The following MAP2K4 variants were observed in gnomAD, a reference collection of about 807,000 sequenced individuals.
The protein encoded by MAP2K4 is mitogen-activated protein kinase kinase 4.
Under a neutral mutation model 48.5 loss-of-function variants are expected in MAP2K4, and 4 were observed. The ratio of observed to expected loss-of-function variants is 0.08; its 90% CI spans 0.04 to 0.19. The LOEUF is 0.19. MAP2K4 is among the 10% of genes least tolerant of loss of function. The pLI, the probability that MAP2K4 is intolerant of heterozygous loss-of-function variation, is 1.00. For missense variants in MAP2K4, 258 were observed against 493.3 expected (o/e 0.52, Z 4.52); for synonymous variants, 166 against 173.1 (o/e 0.96, Z 0.32).
At chr17:12,025,510 A>G (rs1170977891) in intron 1 of MAP2K4, among the ~76,000 whole-genome samples, 1 of 152,228 alleles carries the variant, frequency 6.6e-6, no homozygotes, top group African/African-American at 2.4e-5. Flanking sequence ...AATAGAATCT[A>G]TAATTGATTC....
At chr17:12,057,588 A>AT (rs1970322089) in intron 2 of MAP2K4, among the ~76,000 whole-genome samples, 1 of 151,962 alleles carries the variant, frequency 6.6e-6, no homozygotes, top group Non-Finnish European at 1.5e-5. Context: ...TTCTGGGAAA[A>AT]TTGCTGCTGC....
chr17:12,053,150 C>G (rs1352830766), intron 1 of MAP2K4, among the ~76,000 whole-genome samples: 1 of 151,980 alleles, frequency 6.6e-6, no homozygotes, highest in Non-Finnish European at 1.5e-5. Context: ...GAAAAATTCT[C>G]AAGAAGTAAA....
At chr17:12,030,958 A>G (rs1333158099) in intron 1 of MAP2K4, among the ~76,000 whole-genome samples, 1 of 152,046 alleles carries the variant, frequency 6.6e-6, no homozygotes, top group Non-Finnish European at 1.5e-5. Flanking sequence ...TAGTCAGCTC[A>G]TTTTGCGTGG....
At chr17:12,071,446 A>C (rs1411823682) in intron 2 of MAP2K4, among the ~76,000 whole-genome samples, 1 of 152,148 alleles carries the variant, frequency 6.6e-6, no homozygotes, top group African/African-American at 2.4e-5. Flanking sequence ...ACACAAACAT[A>C]AGCAGTAGAG....
chr17:12,059,355 T>C (rs984137215), intron 2 of MAP2K4, among the ~76,000 whole-genome samples: 2 of 152,230 alleles, frequency 1.3e-5, no homozygotes, highest in East Asian at 3.8e-4. Context: ...AATCATGTTG[T>C]GTATATGAAT....
intron 7 of MAP2K4, among the ~76,000 whole-genome samples, chr17:12,117,417 AAAAG>A (rs1443503221): frequency 6.6e-6 from 1 of 152,064 alleles, no homozygotes; most frequent in African/African-American, 2.4e-5. Context: ...GGTAAAAAAA[AAAAG>A]ACCCTTGTGG....
chr17:12,082,937 G>A (rs543334184), intron 3 of MAP2K4, among the ~76,000 whole-genome samples: 1 of 152,322 alleles, frequency 6.6e-6, no homozygotes, highest in South Asian at 2.1e-4. Context: ...AGTGGAAAGA[G>A]TCATTTTATT....
At chr17:12,067,721 A>G (rs182694213) in intron 2 of MAP2K4, among the ~76,000 whole-genome samples, 7 of 152,344 alleles carry the variant, frequency 4.6e-5, no homozygotes, top group Non-Finnish European at 8.8e-5. Flanking sequence ...CCAGAAACCA[A>G]AGCAATCCAG....
chr17:12,069,317 C>T (rs536975305), intron 2 of MAP2K4, among the ~76,000 whole-genome samples: 1 of 152,186 alleles, frequency 6.6e-6, no homozygotes, highest in African/African-American at 2.4e-5. Context: ...GGCAGTTTTC[C>T]TTACCTTTTC....
chr17:12,041,534 A>G (rs986657422), intron 1 of MAP2K4, among the ~76,000 whole-genome samples: 2 of 152,262 alleles, frequency 1.3e-5, no homozygotes, highest in African/African-American at 4.8e-5. Context: ...TCAAAGCCAG[A>G]AGATGTCTGA....
chr17:12,079,898 A>G (rs1453821980), intron 2 of MAP2K4, among the ~76,000 whole-genome samples: 1 of 152,230 alleles, frequency 6.6e-6, no homozygotes, highest in Non-Finnish European at 1.5e-5. Context: ...ATGGTCACTT[A>G]TGCCACTGAT....
At chr17:12,087,361 C>T (rs1597453359) in intron 3 of MAP2K4, among the ~76,000 whole-genome samples, 1 of 152,048 alleles carries the variant, frequency 6.6e-6, no homozygotes, top group South Asian at 2.1e-4. Flanking sequence ...TTAAAAATTT[C>T]AGTGCTAAGA....
rs34413456 is a variant in MAP2K4, at chr17:12,102,482, A to G, written c.514-5308A>G. On this transcript the variant is annotated intron_variant, in intron 4 of 10. Coordinates refer to ENST00000353533, the MANE Select transcript of MAP2K4 (RefSeq NM_003010.4). ...TTGTATCTATGAGAGACATTGATGT[A>G]TAGTTTTCTTTTCTTATTTTTGTCT... Among the ~76,000 whole-genome samples the G allele has an allele frequency of 2.8e-3, 427 of 152,226 alleles. 3 individuals are homozygous for G. The highest frequency in any genetic ancestry group is 0.014 in the Middle Eastern group (4 of 294).
At chr17:12,076,008 G>C (rs1970986965) in intron 2 of MAP2K4, among the ~76,000 whole-genome samples, 1 of 151,952 alleles carries the variant, frequency 6.6e-6, no homozygotes, top group African/African-American at 2.4e-5. Flanking sequence ...TTTAGATTCG[G>C]TGTCTGGTTG....
chr17:12,061,957 A>G (rs1970461822), intron 2 of MAP2K4, among the ~76,000 whole-genome samples: 1 of 151,872 alleles, frequency 6.6e-6, no homozygotes, highest in Non-Finnish European at 1.5e-5. Flanking sequence ...TCTTGAGCAA[A>G]TTTGTTTTCC....
At chr17:12,050,853 T>C (rs1437802272) in intron 1 of MAP2K4, among the ~76,000 whole-genome samples, 1 of 152,180 alleles carries the variant, frequency 6.6e-6, no homozygotes, top group Non-Finnish European at 1.5e-5. Context: ...TAGGCCTCAG[T>C]GAATGTGGAT....
chr17:12,129,935 T>C (rs1306729331), intron 9 of MAP2K4, among the ~76,000 whole-genome samples: 1 of 152,246 alleles, frequency 6.6e-6, no homozygotes, highest in Non-Finnish European at 1.5e-5. Context: ...TCATGCTTTA[T>C]ACTGTTTTAG....
chr17:12,087,038 G>T (rs967275475), intron 3 of MAP2K4, among the ~76,000 whole-genome samples: 16 of 152,022 alleles, frequency 1.1e-4, no homozygotes, highest in East Asian at 1.9e-4. Flanking sequence ...GTAGAGGCGG[G>T]GTTTCACCAT....
Position 12,092,779 on chromosome 17 carries a change from C to T in MAP2K4, c.394-2796C>T, listed in dbSNP as rs1597459385. ...CAGTGGCTCACGCCTGTAATCCCAG[C>T]ACTTTGGGAGGCCGAGGCAGGCGGA... is the stretch of plus-strand genomic sequence containing the variant. On this transcript the variant is annotated intron_variant, in intron 3 of 10. Coordinates refer to ENST00000353533, the MANE Select transcript of MAP2K4 (RefSeq NM_003010.4). Among the ~76,000 whole-genome samples, 5 of 152,294 alleles carry T rather than the reference C, an allele frequency of 3.3e-5. No homozygotes were observed. In the South Asian group the frequency reaches 8.3e-4, roughly 25 times the overall value.
Sources: allele counts gnomAD v4.1 joint callset (sites outside exome capture counted in the v4.1 genomes callset), GRCh38; gene constraint gnomAD v4.1.1; transcripts MANE v1.5; gene names NCBI Gene and HGNC (gene_info 2026-07-23, HGNC 2026-07-21).